EPB41: variants seen among roughly 807,000 people sequenced by gnomAD.
EPB41 encodes the protein protein 4.1.
EPB41 carries 65 observed loss-of-function variants against 108.0 expected under a neutral mutation model. The ratio of observed to expected loss-of-function variants is 0.60; its 90% CI spans 0.49 to 0.74. EPB41 has a LOEUF of 0.74. Ranked by LOEUF, EPB41 falls within the 30% of genes least tolerant of loss-of-function variation. The probability of loss-of-function intolerance (pLI) is 0.00; values close to 1 mark genes in which losing one functional copy is unlikely to be tolerated. For synonymous variants in EPB41, 336 were observed against 358.9 expected (o/e 0.94, Z 0.72); for missense variants, 875 against 1,037.0 (o/e 0.84, Z 2.15).
At position 29,101,907 on chromosome 1, in the gene EPB41, CAAAAT is replaced by C. The variant is rs988952670; in HGVS notation, c.2313+3976_2313+3980del. ...AGAGTGAGGACCTGTATCAAAAAAA[CAAAAT>C]AAAGTAGGGAGAGGTCTGGGACCAG... On this transcript the variant is annotated intron_variant, in intron 17 of 20. Coordinates refer to ENST00000343067, the MANE Select transcript of EPB41 (RefSeq NM_001376013.1). 7.4e-4 allele frequency among the ~76,000 whole-genome samples: 112 copies of C among 151,948 alleles called. 1 individual carries two copies. The highest frequency in any genetic ancestry group is 2.6e-3 in the African/African-American group (109 of 41,428).
chr1:28,956,245 T>C (rs1256697981), intron 1 of EPB41, among the ~76,000 whole-genome samples: 1 of 152,222 alleles, frequency 6.6e-6, no homozygotes, highest in Non-Finnish European at 1.5e-5. Flanking sequence ...TAGGCTGTTC[T>C]TTATTAGAAA....
intron 1 of EPB41, among the ~76,000 whole-genome samples, chr1:28,963,039 T>C (rs1009714440): frequency 6.6e-6 from 1 of 152,204 alleles, no homozygotes; most frequent in Admixed American, 6.5e-5. Flanking sequence ...TCTTAGTGCC[T>C]TGTGCTTGGT....
intron 12 of EPB41, among the ~76,000 whole-genome samples, chr1:29,058,123 A>G (rs1200450170): frequency 6.6e-6 from 1 of 152,246 alleles, no homozygotes; most frequent in African/African-American, 2.4e-5. Context: ...TGTTTTAACT[A>G]AAGATTTTCT....
intron 11 of EPB41, chr1:29,041,462 A>C (rs1303329487): frequency 6.6e-6 from 1 of 152,242 alleles, no homozygotes; most frequent in Non-Finnish European, 1.5e-5. Context: ...CCTGGGCAAC[A>C]GAGTGAGACT....
chr1:29,060,346 A>C, intron 14 of EPB41, 76 bp from the exon 15 acceptor site: 1 of 1,464,974 alleles, frequency 6.8e-7, no homozygotes, highest in Non-Finnish European at 9.5e-7. Flanking sequence ...TGGTTTGCCA[A>C]TTTTCAGTTT....
chr1:29,112,380 G>A lies in EPB41; in HGVS notation c.2428G>A (p.Gly810Arg). The change falls in exon 19 of 21, where the codon GGG (glycine) becomes AGG (arginine). Residue 810 changes from glycine to arginine, a missense_variant. Physicochemically the swap from Gly to Arg is moderately radical, Grantham distance 125. Transcript: ENST00000343067. ...TTQITKTVKGGISETRIEKRI... is the reference protein window; with the variant it reads ...TTQITKTVKGRISETRIEKRI... ...TCTTTGGTTCCAGACTGTAAAAGGT[G>A]GGATTTCAGAGACACGTATTGAAAA... The A allele has an allele frequency of 6.2e-7, 1 of 1,613,232 alleles. No homozygotes were observed. The highest frequency in any genetic ancestry group is 8.5e-7 in the Non-Finnish European group (1 of 1,179,462).
At chr1:29,006,320 T>C (rs1274029983) in intron 4 of EPB41, among the ~76,000 whole-genome samples, 1 of 149,064 alleles carries the variant, frequency 6.7e-6, no homozygotes, top group African/African-American at 2.5e-5. Flanking sequence ...CACTGCAAGC[T>C]CCGCCTCCCG....
intron 16 of EPB41, among the ~76,000 whole-genome samples, chr1:29,093,883 C>A (rs1430661615): frequency 6.6e-6 from 1 of 152,106 alleles, no homozygotes; most frequent in Non-Finnish European, 1.5e-5. Flanking sequence ...CCAACCTGGG[C>A]GAGAAAGCGA....
chr1:29,036,540 C>CATGA lies in EPB41; in HGVS notation c.1463+619_1463+622dup, dbSNP rs752127674. Among the ~76,000 whole-genome samples the CATGA allele has an allele frequency of 4.0e-5, 6 of 151,856 alleles. No homozygotes were observed. The South Asian group carries it at 1.0e-3, about 26-fold the overall frequency. ...CCTCCCAATGTGCTGGGATTACAGG[C>CATGA]ATGAACCACTGTGCCCGGACGGAAT... On this transcript the variant is annotated intron_variant, in intron 10 of 20. Transcript: ENST00000343067.
At chr1:29,035,765 G>A in intron 9 of EPB41, 61 bp from the exon 10 acceptor site, 2 of 1,223,076 alleles carry the variant, frequency 1.6e-6, no homozygotes, top group Non-Finnish European at 2.4e-6. Context: ...CTGTATCACT[G>A]TAATCTGGTA....
chr1:29,001,480 T>A (rs772251576), intron 4 of EPB41, among the ~76,000 whole-genome samples: 4 of 152,204 alleles, frequency 2.6e-5, no homozygotes, highest in Non-Finnish European at 4.4e-5. Flanking sequence ...TCCTGTTTCC[T>A]TTTTCCTTGG....
intron 1 of EPB41, among the ~76,000 whole-genome samples, chr1:28,955,691 T>C (rs758772113): frequency 2.0e-5 from 3 of 151,918 alleles, no homozygotes; most frequent in Non-Finnish European, 4.4e-5. Context: ...ACTGAGTGGG[T>C]ATAGGTGGGA....
At chr1:29,108,268 A>C (rs7549567) in intron 17 of EPB41, among the ~76,000 whole-genome samples, 124,134 of 150,298 alleles carry the variant, frequency 0.83, 51,670 homozygotes, top group Middle Eastern at 0.89. Context: ...CCTGCCTTAG[A>C]CTCCCGAGTA....
chr1:29,039,563 A>T, intron 11 of EPB41, 137 bp downstream of exon 11: 1 of 1,160,072 alleles, frequency 8.6e-7, no homozygotes, highest in Non-Finnish European at 1.2e-6. Flanking sequence ...CTGTAATCCT[A>T]GCACTTTGGG....
intron 17 of EPB41, 112 bp from the exon 18 acceptor site, chr1:29,109,224 A>T (rs1668342958): frequency 1.9e-5 from 16 of 825,122 alleles, no homozygotes; most frequent in Non-Finnish European, 3.1e-5. Context: ...GGTCATTCTA[A>T]GGGAATGAGA....
intron 16 of EPB41, chr1:29,097,533 A>G (rs906680150): frequency 4.2e-6 from 2 of 474,638 alleles, no homozygotes; most frequent in Non-Finnish European, 7.7e-6. Context: ...GAAGTGTTTT[A>G]TATCACCAAT....
At chr1:29,059,046 A>G (rs1301525711) in intron 14 of EPB41, among the ~76,000 whole-genome samples, 194 bp downstream of exon 14, 3 of 152,200 alleles carry the variant, frequency 2.0e-5, no homozygotes, top group Non-Finnish European at 2.9e-5. Context: ...AGGCCGAGGC[A>G]GGAGGATCAC....
chr1:29,004,053 C>A (rs536323932), intron 4 of EPB41, among the ~76,000 whole-genome samples: 1 of 152,210 alleles, frequency 6.6e-6, no homozygotes, highest in Non-Finnish European at 1.5e-5. Context: ...TGAGCCACTG[C>A]GCCCAGCCCA....
At chr1:28,989,138 C>T (rs2095944992) in intron 2 of EPB41, among the ~76,000 whole-genome samples, 2 of 152,298 alleles carry the variant, frequency 1.3e-5, no homozygotes, top group South Asian at 4.1e-4. Flanking sequence ...TTATTTTGAT[C>T]ATCTTCTTTA....
Sources: allele counts gnomAD v4.1 joint callset (sites outside exome capture counted in the v4.1 genomes callset), GRCh38; gene constraint gnomAD v4.1.1; transcripts MANE v1.5; gene names NCBI Gene and HGNC (gene_info 2026-07-23, HGNC 2026-07-21).